DISP1: variants seen among roughly 807,000 people sequenced by gnomAD.
The protein encoded by DISP1 is dispatched RND transporter family member 1, also known as protein dispatched homolog 1.
In DISP1, 30 loss-of-function variants were observed where a neutral mutation model predicts 37.3. The ratio of observed to expected loss-of-function variants is 0.80; its 90% CI spans 0.60 to 1.09. DISP1 has a LOEUF of 1.09. DISP1 is among the 50% of genes least tolerant of loss of function. DISP1 has a pLI of 0.00. For synonymous variants in DISP1, 634 were observed against 690.2 expected, an observed-to-expected ratio of 0.92 and a Z score of 1.28; for missense variants, 1,598 against 1,879.5, an observed-to-expected ratio of 0.85 and a Z score of 2.77.
chr1:222,815,591 T>C (rs772390078), intron 1 of DISP1, among the ~76,000 whole-genome samples: 4 of 152,116 alleles, frequency 2.6e-5, no homozygotes, highest in Non-Finnish European at 5.9e-5. Context: ...ATTGCTTCAT[T>C]TGCAATTCAT....
At chr1:222,936,802 A>ATATATAAAT (rs1673832947) in intron 2 of DISP1, among the ~76,000 whole-genome samples, 6 of 45,804 alleles carry the variant, frequency 1.3e-4, no homozygotes, top group African/African-American at 4.2e-4. Flanking sequence ...ATAATATATT[A>ATATATAAAT]TATATATAAA....
At chr1:222,981,170 A>G (rs1017433790) in intron 3 of DISP1, among the ~76,000 whole-genome samples, 3 of 152,264 alleles carry the variant, frequency 2.0e-5, no homozygotes, top group Admixed American at 1.3e-4. Flanking sequence ...TATTTTCTGT[A>G]TAAGAGGTTA....
chr1:222,838,750 A>C (rs1051785139), intron 1 of DISP1, among the ~76,000 whole-genome samples: 29 of 152,244 alleles, frequency 1.9e-4, no homozygotes, highest in African/African-American at 6.8e-4. Flanking sequence ...CAGCTTGTGC[A>C]ACAGAGTGAG....
chr1:222,824,686 A>G (rs1356267332), intron 1 of DISP1, among the ~76,000 whole-genome samples: 2 of 152,188 alleles, frequency 1.3e-5, no homozygotes, highest in African/African-American at 2.4e-5. Flanking sequence ...AGATACTTTA[A>G]AAATATTTGC....
intron 1 of DISP1, among the ~76,000 whole-genome samples, chr1:222,894,643 T>C (rs1417271044): frequency 1.3e-5 from 2 of 152,122 alleles, no homozygotes; most frequent in East Asian, 3.9e-4. Context: ...GATGCCTGGG[T>C]CCGCAGCCAT....
At chr1:222,978,839 G>A (rs1397528846) in intron 3 of DISP1, among the ~76,000 whole-genome samples, 1 of 152,200 alleles carries the variant, frequency 6.6e-6, no homozygotes, top group South Asian at 2.1e-4. Context: ...GTAGATATGT[G>A]GCATTATTTC....
chr1:222,983,885 T>C (rs1288521063), intron 4 of DISP1, among the ~76,000 whole-genome samples: 1 of 152,180 alleles, frequency 6.6e-6, no homozygotes, highest in African/African-American at 2.4e-5. Flanking sequence ...AAAAGCGTTT[T>C]CTCATCAGAT....
intron 3 of DISP1, among the ~76,000 whole-genome samples, chr1:222,956,823 A>G (rs1294472077): frequency 6.6e-6 from 1 of 152,124 alleles, no homozygotes; most frequent in East Asian, 1.9e-4. Flanking sequence ...ATCTCATATT[A>G]ATGATTATTA....
chr1:222,936,162 T>C (rs954417157), intron 2 of DISP1, among the ~76,000 whole-genome samples: 1 of 152,220 alleles, frequency 6.6e-6, no homozygotes, highest in Non-Finnish European at 1.5e-5. Flanking sequence ...AGTAACATGC[T>C]GTATAGGTTT....
intron 1 of DISP1, among the ~76,000 whole-genome samples, chr1:222,841,700 G>A (rs999883299): frequency 7.9e-5 from 12 of 152,000 alleles, no homozygotes; most frequent in African/African-American, 2.7e-4. Flanking sequence ...TATTTAATGA[G>A]TATACTGTTT....
chr1:222,972,881 T>C lies in DISP1; in HGVS notation c.510-10199T>C, dbSNP rs1572663755. 2.6e-5 allele frequency among the ~76,000 whole-genome samples: 4 copies of C among 152,004 alleles called. No individual in the cohort carries two copies. In the East Asian group the frequency reaches 7.7e-4, roughly 29 times the overall value. ...AGTGGTTCAAGCTCTGACTGTGTAG[T>C]CTCTATTTCAAGACCTACTGAACCA... On this transcript the variant is annotated intron_variant, in intron 3 of 8. Coordinates refer to ENST00000675850, the MANE Select transcript of DISP1 (RefSeq NM_001377229.1).
chr1:222,844,520 G>T (rs1667789558), intron 1 of DISP1, among the ~76,000 whole-genome samples: 1 of 152,018 alleles, frequency 6.6e-6, no homozygotes, highest in African/African-American at 2.4e-5. Context: ...GTATTAGACC[G>T]TTAAAACAAA....
chr1:222,918,304 C>T (rs1334250938), intron 1 of DISP1, among the ~76,000 whole-genome samples: 1 of 152,130 alleles, frequency 6.6e-6, no homozygotes, highest in Non-Finnish European at 1.5e-5. Flanking sequence ...CACTAAGATT[C>T]CCACTGGTAT....
At chr1:222,998,979 G>T (rs997739372) in intron 8 of DISP1, among the ~76,000 whole-genome samples, 1 of 152,066 alleles carries the variant, frequency 6.6e-6, no homozygotes, top group Non-Finnish European at 1.5e-5. Flanking sequence ...GGAGGGTCCG[G>T]CAGTCAATTG....
intron 1 of DISP1, among the ~76,000 whole-genome samples, chr1:222,839,383 A>G (rs544557572): frequency 7.5e-4 from 114 of 152,298 alleles, no homozygotes; most frequent in African/African-American, 2.6e-3. Context: ...ATTGTTTTCC[A>G]TGAAATTGGT....
chr1:222,978,052 G>C (rs1046025715), intron 3 of DISP1, among the ~76,000 whole-genome samples: 4 of 152,194 alleles, frequency 2.6e-5, no homozygotes, highest in Non-Finnish European at 4.4e-5. Flanking sequence ...TATATACCCA[G>C]TAATGGGATG....
intron 1 of DISP1, among the ~76,000 whole-genome samples, chr1:222,910,853 G>A (rs944171170): frequency 2.0e-5 from 3 of 152,216 alleles, no homozygotes; most frequent in African/African-American, 7.2e-5. Flanking sequence ...ATTGCATTTA[G>A]GTAGTGACTC....
chr1:222,920,896 A>G (rs1163834989), intron 1 of DISP1, among the ~76,000 whole-genome samples: 2 of 152,208 alleles, frequency 1.3e-5, no homozygotes, highest in Non-Finnish European at 2.9e-5. Context: ...TAGTGATAAA[A>G]TGCATACGGT....
chr1:222,889,800 C>T (rs1256127656), intron 1 of DISP1, among the ~76,000 whole-genome samples: 1 of 152,046 alleles, frequency 6.6e-6, no homozygotes, highest in Non-Finnish European at 1.5e-5. Context: ...TTGTACTTTT[C>T]CATTTTGTTG....
Sources: allele counts gnomAD v4.1 joint callset (sites outside exome capture counted in the v4.1 genomes callset), GRCh38; gene constraint gnomAD v4.1.1; transcripts MANE v1.5; gene names NCBI Gene and HGNC (gene_info 2026-07-23, HGNC 2026-07-21).